The following PPP2R5C variants were observed in gnomAD, a reference collection of about 807,000 sequenced individuals.
PPP2R5C encodes the protein serine/threonine-protein phosphatase 2A 56 kDa regulatory subunit gamma isoform.
In PPP2R5C, 7 loss-of-function variants were observed where a neutral mutation model predicts 68.9. That is an observed-to-expected ratio of 0.10 (90% CI 0.06 to 0.19). PPP2R5C has a LOEUF of 0.19. PPP2R5C is among the 10% of genes least tolerant of loss of function. The pLI is 1.00. For missense variants in PPP2R5C, 348 were observed against 641.3 expected, an observed-to-expected ratio of 0.54 and a Z score of 4.94; for synonymous variants, 210 against 222.2, an observed-to-expected ratio of 0.95 and a Z score of 0.49.
upstream of PPP2R5C, among the ~76,000 whole-genome samples, chr14:101,807,481 G>C (rs1595213570): frequency 6.6e-6 from 1 of 152,038 alleles, no homozygotes; most frequent in East Asian, 1.9e-4. Context: ...CTTTTGCTAA[G>C]TACCTGGAAA....
At chr14:101,886,998 G>T (rs527422275) in intron 5 of PPP2R5C, among the ~76,000 whole-genome samples, 2 of 152,152 alleles carry the variant, frequency 1.3e-5, no homozygotes, top group African/African-American at 4.8e-5. Flanking sequence ...GCCTCCCAAA[G>T]CACTGGGATT....
chr14:101,911,690 C>T (rs61623483), intron 11 of PPP2R5C, among the ~76,000 whole-genome samples: 17,883 of 151,984 alleles, frequency 0.12, 1,516 homozygotes, highest in East Asian at 0.3. Flanking sequence ...CGAGACCAGC[C>T]TGGCCAATAT....
chr14:101,919,055 C>T (rs1314283391), intron 13 of PPP2R5C, among the ~76,000 whole-genome samples: 2 of 152,092 alleles, frequency 1.3e-5, no homozygotes, highest in South Asian at 2.1e-4. Flanking sequence ...TGAATGAATG[C>T]CCCCCATTTC....
intron 2 of PPP2R5C, among the ~76,000 whole-genome samples, chr14:101,863,893 C>CT (rs2140669618): frequency 6.6e-6 from 1 of 152,184 alleles, no homozygotes; most frequent in East Asian, 1.9e-4. Context: ...GAATAAGACT[C>CT]TGTCTCAAAA....
chr14:101,925,203 C>T, exon 14 of PPP2R5C: 4 of 1,614,050 alleles, frequency 2.5e-6, no homozygotes, highest in Non-Finnish European at 3.4e-6. Flanking sequence ...TGCCTCAGGA[C>T]CCCCACACCA....
intron 2 of PPP2R5C, among the ~76,000 whole-genome samples, chr14:101,867,603 C>A (rs1487330446): frequency 6.6e-6 from 1 of 151,942 alleles, no homozygotes; most frequent in Middle Eastern, 3.2e-3. Context: ...TATGGTGTAA[C>A]CTCATCTCTA....
chr14:101,816,535 G>A (rs1256313070), intron 1 of PPP2R5C, among the ~76,000 whole-genome samples: 4 of 152,146 alleles, frequency 2.6e-5, no homozygotes, highest in Non-Finnish European at 5.9e-5. Context: ...AAACCTATTA[G>A]AGACATTTTG....
chr14:101,853,595 TG>T (rs1389628759), intron 1 of PPP2R5C, among the ~76,000 whole-genome samples: 1 of 152,210 alleles, frequency 6.6e-6, no homozygotes, highest in African/African-American at 2.4e-5. Context: ...TTTTGAGGCA[TG>T]TAAGAGTGAT....
In PPP2R5C at chr14:101,835,098, G is replaced by A. The variant is rs911666468; in HGVS notation, c.95-21588G>A. Among the ~76,000 whole-genome samples, 1 of 152,176 alleles carries A rather than the reference G, an allele frequency of 6.6e-6. No individual in the cohort carries two copies. The highest frequency in any genetic ancestry group is 1.5e-5 in the Non-Finnish European group (1 of 68,032). On this transcript the variant is annotated intron_variant, in intron 1 of 13. Transcript: ENST00000334743. This position sits in a 1 kb window ranked among gnomAD's most constrained non-coding sequence, Gnocchi z 5.0. ...CAGCCTGTGTCTTCAGGGACTGGGA[G>A]TCTCTGATTCCAGCACAGCCGACTG... is the stretch of plus-strand genomic sequence containing the variant.
At chr14:101,801,144 G>A (rs1370375086) in intron 3 of PPP2R5C, among the ~76,000 whole-genome samples, 1 of 152,158 alleles carries the variant, frequency 6.6e-6, no homozygotes, top group African/African-American at 2.4e-5. Context: ...GAATTCAAGA[G>A]TACAGTAGGG....
chr14:101,819,341 C>G, intron 1 of PPP2R5C: 1 of 410,522 alleles, frequency 2.4e-6, no homozygotes, highest in Non-Finnish European at 4.4e-6. Context: ...AAGGCCGTCA[C>G]TGCCTCATAA....
rs1172696181 is a variant in PPP2R5C at position 101,797,339 on chromosome 14, C to T, written c.259+11156C>T. The T allele has an allele frequency of 2.2e-6, 1 of 455,580 alleles. No homozygotes were observed. The highest frequency in any genetic ancestry group is 4.4e-6 in the Non-Finnish European group (1 of 226,536). 28.2% of individuals were successfully genotyped at this position (455,580 alleles called of 1,614,324 possible). ...GTGGATGGACGCGTGGGTTGCAGAG[C>T]ACGCCACACACATTCAGTCAGTACA... On this transcript the variant is annotated intron_variant, in intron 3 of 14. Transcript: ENST00000328724. The surrounding 1 kb of genome is among the most constrained non-coding windows in gnomAD (Gnocchi z 4.2).
At chr14:101,768,336 A>G (rs1333861151) in intron 2 of PPP2R5C, among the ~76,000 whole-genome samples, 1 of 152,142 alleles carries the variant, frequency 6.6e-6, no homozygotes, top group Non-Finnish European at 1.5e-5. Context: ...CAGAAGGGAG[A>G]TCACTCCTTT....
At chr14:101,854,815 T>C (rs1232176317) in intron 1 of PPP2R5C, among the ~76,000 whole-genome samples, 1 of 152,214 alleles carries the variant, frequency 6.6e-6, no homozygotes, top group Non-Finnish European at 1.5e-5. Flanking sequence ...ATGTATTTAT[T>C]AATTTACTAA....
intron 11 of PPP2R5C, among the ~76,000 whole-genome samples, chr14:101,911,982 T>G (rs914448190): frequency 6.6e-6 from 1 of 152,134 alleles, no homozygotes; most frequent in African/African-American, 2.4e-5. Context: ...TCTTAAGACG[T>G]TTCCTTTTTA....
intron 3 of PPP2R5C, among the ~76,000 whole-genome samples, chr14:101,804,378 A>G (rs986499343): frequency 6.6e-6 from 1 of 152,250 alleles, no homozygotes; most frequent in Non-Finnish European, 1.5e-5. Flanking sequence ...GGTACATACC[A>G]CAAAGAAAGA....
At chr14:101,857,903 T>C (rs970059533) in intron 2 of PPP2R5C, among the ~76,000 whole-genome samples, 1 of 152,222 alleles carries the variant, frequency 6.6e-6, no homozygotes, top group Admixed American at 6.5e-5. Flanking sequence ...TAAAATACTT[T>C]TATTTCCTTC....
chr14:101,892,528 T>G (rs2045013683), intron 6 of PPP2R5C, among the ~76,000 whole-genome samples: 1 of 152,136 alleles, frequency 6.6e-6, no homozygotes, highest in Non-Finnish European at 1.5e-5. Context: ...ATTTTTAAAT[T>G]ATGTAGTTAC....
chr14:101,854,342 A>G (rs909094954), intron 1 of PPP2R5C, among the ~76,000 whole-genome samples: 1 of 152,156 alleles, frequency 6.6e-6, no homozygotes, highest in Non-Finnish European at 1.5e-5. Context: ...TGTTATTTGC[A>G]AGGCTCAATG....
Sources: allele counts gnomAD v4.1 joint callset (sites outside exome capture counted in the v4.1 genomes callset), GRCh38; gene constraint gnomAD v4.1.1; non-coding constraint Gnocchi (gnomAD v3.1); transcripts MANE v1.5; gene names NCBI Gene and HGNC (gene_info 2026-07-23, HGNC 2026-07-21).